The following ATAD2B variants were observed in gnomAD, a reference collection of about 807,000 sequenced individuals.
ATAD2B encodes the protein ATPase family AAA domain containing 2B.
In ATAD2B, 40 loss-of-function variants were observed where a neutral mutation model predicts 167.6. The observed-to-expected ratio is 0.24, with a 90% CI of 0.19 to 0.31. The LOEUF (loss-of-function observed/expected upper bound fraction) is 0.31. ATAD2B is among the 10% of genes least tolerant of loss of function. The probability of loss-of-function intolerance (pLI) is 1.00; values close to 1 mark genes in which losing one functional copy is unlikely to be tolerated. For missense variants in ATAD2B, 1,242 were observed against 1,757.2 expected (o/e 0.71, Z 5.24); for synonymous variants, 579 against 596.5 (o/e 0.97, Z 0.43).
At chr2:23,921,191 G>A (rs1573466855) in intron 1 of ATAD2B, among the ~76,000 whole-genome samples, 1 of 93,238 alleles carries the variant, frequency 1.1e-5, no homozygotes, top group South Asian at 3.9e-4. Flanking sequence ...GAGCTACAGA[G>A]TAAGACTCCA....
chr2:23,808,138 T>TTATATATA lies in ATAD2B; in HGVS notation c.2454+2177_2454+2178insTATATATA, dbSNP rs1470177171. ...ATATATAATTATTATATATAAGTGA[T>TTATATATA]TACTTATATTATATGTTATTTATAT... On this transcript the variant is annotated intron_variant, in intron 18 of 27. Transcript: ENST00000238789. Among the ~76,000 whole-genome samples, 576 of 114,594 alleles carry TTATATATA rather than the reference T, an allele frequency of 5.0e-3. 52 individuals are homozygous for TTATATATA. The highest frequency in any genetic ancestry group is 6.3e-3 in the African/African-American group (175 of 27,960). The allele number at this position is 114,594 out of a possible 152,430, so 75.2% of individuals were successfully genotyped here.
At chr2:23,787,837 A>C (rs1681054105) in intron 20 of ATAD2B, among the ~76,000 whole-genome samples, 1 of 152,074 alleles carries the variant, frequency 6.6e-6, no homozygotes, top group South Asian at 2.1e-4. Context: ...ACACATCTTT[A>C]AGATTAGGAA....
chr2:23,724,974 C>T, the ATAD2B span, among the ~76,000 whole-genome samples: 1 of 129,740 alleles, frequency 7.7e-6, no homozygotes, highest in Non-Finnish European at 1.6e-5. Flanking sequence ...ACCTAGGAGG[C>T]GGAGCTTGCA....
At chr2:23,896,788 G>A (rs907146532) in intron 1 of ATAD2B, among the ~76,000 whole-genome samples, 2 of 152,148 alleles carry the variant, frequency 1.3e-5, no homozygotes, top group Non-Finnish European at 2.9e-5. Flanking sequence ...GACCTCCTCA[G>A]TCTCCCTCAA....
chr2:23,872,527 G>C (rs2150120650), intron 8 of ATAD2B: 1 of 880,236 alleles, frequency 1.1e-6, no homozygotes, highest in East Asian at 2.4e-5. Context: ...CAGAGCTCTG[G>C]CTTTGAGAGT....
chr2:23,820,202 T>G (rs769724743), intron 16 of ATAD2B, among the ~76,000 whole-genome samples: 1 of 151,946 alleles, frequency 6.6e-6, no homozygotes, highest in Non-Finnish European at 1.5e-5. Flanking sequence ...ACTAAAAATC[T>G]CTGAGTTAAT....
the ATAD2B span, among the ~76,000 whole-genome samples, chr2:23,687,749 A>C: frequency 1.3e-5 from 2 of 152,186 alleles, no homozygotes; most frequent in African/African-American, 4.8e-5. Context: ...AGCAAGGTCG[A>C]AAGGCGGGAG....
At chr2:23,856,859 CTA>C (rs1693500295) in intron 13 of ATAD2B, among the ~76,000 whole-genome samples, 1 of 150,726 alleles carries the variant, frequency 6.6e-6, no homozygotes, top group Non-Finnish European at 1.5e-5. Context: ...GACTCTGACT[CTA>C]AAAAAAAAAA....
intron 22 of ATAD2B, among the ~76,000 whole-genome samples, chr2:23,782,078 A>T (rs536495124): frequency 6.6e-6 from 1 of 152,208 alleles, no homozygotes; most frequent in African/African-American, 2.4e-5. Flanking sequence ...CGGCCTCCCA[A>T]AGTGCTGGGA....
intron 19 of ATAD2B, among the ~76,000 whole-genome samples, chr2:23,792,497 A>C (rs1228777974): frequency 6.6e-6 from 1 of 152,058 alleles, no homozygotes; most frequent in African/African-American, 2.4e-5. Flanking sequence ...TAAGATCTCA[A>C]TAACAAAAGG....
chr2:23,858,532 C>T (rs1384784396), intron 12 of ATAD2B, among the ~76,000 whole-genome samples: 3 of 144,146 alleles, frequency 2.1e-5, no homozygotes, highest in Non-Finnish European at 4.5e-5. Context: ...TACTCTGTCA[C>T]TCAGGCTTGA....
At chr2:23,923,649 C>CAA (rs200804427) in intron 1 of ATAD2B, among the ~76,000 whole-genome samples, 18 of 117,808 alleles carry the variant, frequency 1.5e-4, no homozygotes, top group African/African-American at 2.6e-4. Flanking sequence ...TTTTACATGT[C>CAA]AAAAAAAAAA....
chr2:23,690,742 C>T, the ATAD2B span: 10 of 152,294 alleles, frequency 6.6e-5, no homozygotes, highest in Non-Finnish European at 1.5e-4. Context: ...ATCAGTGTCA[C>T]TCTTGCTTCA....
At chr2:23,807,824 A>ATATATATAT (rs1384785560) in intron 18 of ATAD2B, among the ~76,000 whole-genome samples, 2 of 127,420 alleles carry the variant, frequency 1.6e-5, no homozygotes, top group African/African-American at 6.0e-5. Flanking sequence ...TTAAAAAAAA[A>ATATATATAT]AAAAATATAT....
At chr2:23,694,311 C>T in the ATAD2B span, among the ~76,000 whole-genome samples, 5 of 152,216 alleles carry the variant, frequency 3.3e-5, no homozygotes, top group African/African-American at 9.7e-5. Flanking sequence ...TCGCTACACG[C>T]GCTCATTCCT....
At chr2:23,800,819 TA>T (rs202225757) in intron 18 of ATAD2B, among the ~76,000 whole-genome samples, 82 of 150,594 alleles carry the variant, frequency 5.4e-4, no homozygotes, top group Non-Finnish European at 1.0e-3. Flanking sequence ...CCTTCTTGAT[TA>T]AAAAAAAAAT....
chr2:23,882,290 G>A (rs1698025121), intron 6 of ATAD2B, among the ~76,000 whole-genome samples: 1 of 151,640 alleles, frequency 6.6e-6, no homozygotes, highest in Non-Finnish European at 1.5e-5. Flanking sequence ...CTGCCTCTCG[G>A]GTTCAGGCGA....
chr2:23,881,421 C>T (rs566422133), intron 6 of ATAD2B, among the ~76,000 whole-genome samples: 10 of 135,122 alleles, frequency 7.4e-5, no homozygotes, highest in African/African-American at 2.3e-4. Context: ...AGTACAGTGG[C>T]GTGATCTGGG....
chr2:23,815,496 A>G (rs572398924), intron 17 of ATAD2B, among the ~76,000 whole-genome samples: 30 of 152,330 alleles, frequency 2.0e-4, no homozygotes, highest in Admixed American at 1.8e-3. Context: ...GGAAAGATCC[A>G]TGGTACAACA....
Sources: gnomAD v4.1 joint callset for allele counts (sites outside exome capture counted in the v4.1 genomes callset) on GRCh38, gnomAD v4.1.1 for gene constraint, MANE v1.5 for transcripts, NCBI Gene and HGNC (gene_info 2026-07-23, HGNC 2026-07-21) for gene names.